Variants in MKNK1 observed in about 807,000 individuals in gnomAD.
MKNK1 encodes MAP kinase-interacting serine/threonine-protein kinase 1.
MKNK1 carries 30 observed loss-of-function variants against 49.3 expected under a neutral mutation model. The observed-to-expected ratio is 0.61, with a 90% CI of 0.46 to 0.83. The LOEUF (loss-of-function observed/expected upper bound fraction) is 0.83. MKNK1 is among the 40% of genes least tolerant of loss of function. The pLI, the probability that MKNK1 is intolerant of heterozygous loss-of-function variation, is 0.00. For missense variants in MKNK1, 423 were observed against 524.7 expected, an observed-to-expected ratio of 0.81 and a Z score of 1.89; for synonymous variants, 176 against 201.7, an observed-to-expected ratio of 0.87 and a Z score of 1.08.
At chr1:46,565,842 G>C (rs561801908) in intron 8 of MKNK1, among the ~76,000 whole-genome samples, 213 of 152,286 alleles carry the variant, frequency 1.4e-3, no homozygotes, top group Non-Finnish European at 2.3e-3. Flanking sequence ...ACTAAATGCT[G>C]GTTCTCTGAG....
chr1:46,566,802 T>C (rs1353783439), intron 8 of MKNK1, among the ~76,000 whole-genome samples: 1 of 152,240 alleles, frequency 6.6e-6, no homozygotes, highest in Non-Finnish European at 1.5e-5. Flanking sequence ...AAATGTCTGT[T>C]CAAGTCCCGT....
chr1:46,593,011 T>A (rs1459189431), intron 2 of MKNK1, among the ~76,000 whole-genome samples: 1 of 151,928 alleles, frequency 6.6e-6, no homozygotes, highest in Non-Finnish European at 1.5e-5. Flanking sequence ...CCAGGGACTA[T>A]GAAAACTCAC....
At chr1:46,577,584 C>T (rs1671165598) in intron 4 of MKNK1, among the ~76,000 whole-genome samples, 1 of 152,184 alleles carries the variant, frequency 6.6e-6, no homozygotes, top group Admixed American at 6.5e-5. Context: ...GAAACATTTG[C>T]CTGCAGTCCA....
intron 11 of MKNK1, 97 bp downstream of exon 11, chr1:46,561,381 C>G (rs985210587): frequency 1.6e-5 from 22 of 1,367,498 alleles, no homozygotes; most frequent in East Asian, 7.1e-5. Flanking sequence ...GCACCAGCCA[C>G]AAGGCTGGTG....
Position 46,558,511 on chromosome 1 carries a change from A to G in MKNK1, c.*64T>C. 6.8e-7 allele frequency: 1 copy of G among 1,473,634 alleles called. No homozygotes were observed. The highest frequency in any genetic ancestry group is 1.4e-5 in the South Asian group (1 of 72,954). 91.3% of individuals were successfully genotyped at this position (1,473,634 alleles called of 1,614,324 possible). A position where few individuals can be genotyped will look rare whatever the true frequency, so the allele number is the denominator to read the frequency against. On this transcript the variant is annotated 3_prime_UTR_variant, in exon 13 of 13. Transcript: ENST00000371945. ...GCTGCCTGCTCAGCAGACTTTAGCCACACAGGTTTCCAGGGGACAATGCCT... is the reference window on the plus strand; with the variant it reads ...GCTGCCTGCTCAGCAGACTTTAGCCGCACAGGTTTCCAGGGGACAATGCCT...
rs1171775089 is a variant in MKNK1, at chr1:46,561,548, T to C, written c.899A>G (p.Lys300Arg). 1.2e-6 allele frequency: 2 copies of C among 1,614,174 alleles called. No homozygotes were observed. Among genetic ancestry groups the C allele is most frequent in the Admixed American group, 1.7e-5 (1 of 60,026 alleles). Residue 300 changes from lysine to arginine, a missense_variant, in exon 11 of 13, where the codon AAG becomes AGG. Transcript: ENST00000371945. ...ISSEAKDLIS[K>R]LLVRDAKQRL... ...CTGCTTTGCATCTCGCACCAGGAGC[T>C]TGGAGATGAGGTCTTTGGCTTCACT...
intron 7 of MKNK1, 188 bp from the exon 8 acceptor site, chr1:46,568,686 C>T (rs184717772): frequency 8.3e-5 from 50 of 603,486 alleles, no homozygotes; most frequent in East Asian, 4.9e-4. Flanking sequence ...GTTGATTCTG[C>T]GGGTTCTTTT....
At chr1:46,567,742 C>T (rs1164870401) in intron 8 of MKNK1, among the ~76,000 whole-genome samples, 3 of 152,188 alleles carry the variant, frequency 2.0e-5, no homozygotes, top group Non-Finnish European at 2.9e-5. Flanking sequence ...CCCAACACCA[C>T]CAGTGCCTAA....
At chr1:46,576,165 T>C (rs1347183742) in intron 5 of MKNK1, 1 of 199,082 alleles carries the variant, frequency 5.0e-6, no homozygotes, top group African/African-American at 2.4e-5. Flanking sequence ...TATGTAAACA[T>C]TCTAGGAGCA....
chr1:46,558,789 G>GTGC lies in MKNK1; in HGVS notation c.1022_1024dup (p.Ser341dup), dbSNP rs779158607. 9.3e-6 allele frequency: 15 copies of GTGC among 1,613,766 alleles called. No individual in the cohort carries two copies. Among genetic ancestry groups the GTGC allele is most frequent in the Non-Finnish European group, 1.3e-5 (15 of 1,179,894 alleles). ...AGCTGCGAAGAGCGTCAGGTCCATT[G>GTGC]TGCTGCTGTTCCTGCAGGGCCAGGG... On this transcript the variant is annotated inframe_insertion, in exon 13 of 13. Coordinates refer to ENST00000371945, the MANE Select transcript of MKNK1 (RefSeq NM_001135553.4).
intron 6 of MKNK1, among the ~76,000 whole-genome samples, chr1:46,573,538 G>T (rs375859560): frequency 1.3e-5 from 2 of 152,052 alleles, no homozygotes; most frequent in Non-Finnish European, 2.9e-5. Flanking sequence ...TGTTTTTTAG[G>T]GGGGATGGGG....
At chr1:46,584,192 G>C (rs1672163968) in intron 2 of MKNK1, among the ~76,000 whole-genome samples, 1 of 152,244 alleles carries the variant, frequency 6.6e-6, no homozygotes, top group Non-Finnish European at 1.5e-5. Flanking sequence ...AGGAGGAACA[G>C]TGAACCAGTG....
At chr1:46,568,753 A>G in intron 7 of MKNK1, 1 of 504,480 alleles carries the variant, frequency 2.0e-6, no homozygotes, top group Non-Finnish European at 3.6e-6. Context: ...AATCCCAGCC[A>G]GCCTACCCCT....
intron 1 of MKNK1, chr1:46,594,912 A>G (rs1483822518): frequency 2.6e-6 from 1 of 382,940 alleles, no homozygotes; most frequent in Non-Finnish European, 5.2e-6. Context: ...GCTTGAGCCC[A>G]GGAGGTCGAG....
At position 46,583,227 on chromosome 1, in the gene MKNK1, C is replaced by A; in HGVS notation, c.100+1G>T. 1 of 1,613,424 alleles carries A rather than the reference C, an allele frequency of 6.2e-7. No homozygotes were observed. On this transcript the variant is annotated splice_donor_variant, in intron 3 of 12. Coordinates refer to ENST00000371945, the MANE Select transcript of MKNK1 (RefSeq NM_001135553.4). LOFTEE classifies it high-confidence loss of function. ...AGATATAGGGAAGTTGTGTGACCAACCTTCAAACTTTCCTGGCAAGGAGTC... is the reference window on the plus strand; with the variant it reads ...AGATATAGGGAAGTTGTGTGACCAAACTTCAAACTTTCCTGGCAAGGAGTC...
intron 11 of MKNK1, 152 bp downstream of exon 11, chr1:46,561,326 C>T (rs1452508874): frequency 4.0e-5 from 33 of 818,060 alleles, no homozygotes; most frequent in Admixed American, 3.4e-5. Flanking sequence ...CAGGAGGAGT[C>T]GATTCACTCT....
chr1:46,586,031 C>A, intron 2 of MKNK1: 1 of 831,912 alleles, frequency 1.2e-6, no homozygotes, highest in East Asian at 5.3e-5. Flanking sequence ...GCTTAGCTTC[C>A]CTGGTTACAC....
At chr1:46,595,482 T>A (rs2148763458) in intron 1 of MKNK1, among the ~76,000 whole-genome samples, 1 of 152,282 alleles carries the variant, frequency 6.6e-6, no homozygotes, top group South Asian at 2.1e-4. Flanking sequence ...CAGTTATTCC[T>A]CAAAGGCAAG....
intron 2 of MKNK1, chr1:46,585,752 T>C: frequency 1.8e-6 from 1 of 550,458 alleles, no homozygotes; most frequent in South Asian, 1.4e-5. Context: ...AGCGACAATT[T>C]ATACTTGGTC....
Sources: allele counts gnomAD v4.1 joint callset (sites outside exome capture counted in the v4.1 genomes callset), GRCh38; gene constraint gnomAD v4.1.1; transcripts MANE v1.5; gene names NCBI Gene and HGNC (gene_info 2026-07-23, HGNC 2026-07-21).